Variants in MTMR9 observed in about 807,000 individuals in gnomAD.
MTMR9 encodes the protein myotubularin-related protein 9.
A neutral mutation model predicts 69.5 loss-of-function variants in MTMR9; 39 were observed. The observed-to-expected ratio is 0.56, with a 90% CI of 0.43 to 0.73. MTMR9 has a LOEUF of 0.73. Ranked by LOEUF, MTMR9 falls within the 30% of genes least tolerant of loss-of-function variation. The pLI is 0.00. For synonymous variants in MTMR9, 354 were observed against 240.8 expected, an observed-to-expected ratio of 1.47 and a Z score of -4.35; for missense variants, 900 against 671.2, an observed-to-expected ratio of 1.34 and a Z score of -3.77.
intron 1 of MTMR9, among the ~76,000 whole-genome samples, chr8:11,286,812 C>G (rs746886236): frequency 5.9e-5 from 9 of 152,038 alleles, no homozygotes; most frequent in Non-Finnish European, 8.8e-5. Flanking sequence ...GCCTTTCTTG[C>G]ACTTGCTTTC....
the MTMR9 span, among the ~76,000 whole-genome samples, chr8:11,335,068 T>C: frequency 6.6e-6 from 1 of 152,252 alleles, no homozygotes; most frequent in South Asian, 2.1e-4. Flanking sequence ...GTATGGGAAA[T>C]TATAACTAAT....
intron 1 of MTMR9, among the ~76,000 whole-genome samples, chr8:11,287,207 A>G (rs542185316): frequency 9.2e-5 from 14 of 152,320 alleles, no homozygotes; most frequent in African/African-American, 3.4e-4. Flanking sequence ...GTAGGAAACA[A>G]AAGAAGGATT....
chr8:11,318,001 CA>C (rs1269672798), intron 8 of MTMR9: 1 of 152,084 alleles, frequency 6.6e-6, no homozygotes, highest in Non-Finnish European at 1.5e-5. Context: ...TTAACTCCCC[CA>C]CTTAGAAGGG....
At chr8:11,321,952 T>G (rs1800713143) in intron 9 of MTMR9, among the ~76,000 whole-genome samples, 1 of 152,182 alleles carries the variant, frequency 6.6e-6, no homozygotes, top group African/African-American at 2.4e-5. Flanking sequence ...GCCTCCTGAC[T>G]TGAGTAACTG....
intron 1 of MTMR9, among the ~76,000 whole-genome samples, chr8:11,291,640 G>C (rs986390580): frequency 7.2e-5 from 11 of 152,002 alleles, no homozygotes; most frequent in African/African-American, 2.7e-4. Flanking sequence ...CTGACATAAA[G>C]TAACAATTAT....
downstream of MTMR9, chr8:11,331,212 G>A (rs145477381): frequency 7.6e-4 from 1,228 of 1,613,976 alleles, 7 homozygotes; most frequent in African/African-American, 0.013. Context: ...GCCCTCTGGT[G>A]CCACCAATGG....
chr8:11,310,243 C>G (rs1365911640), intron 6 of MTMR9, among the ~76,000 whole-genome samples: 1 of 152,150 alleles, frequency 6.6e-6, no homozygotes, highest in Non-Finnish European at 1.5e-5. Flanking sequence ...AGTTAATTCA[C>G]TCAGTTAAAG....
At chr8:11,314,831 A>C (rs771590561) in intron 6 of MTMR9, 92 bp from the exon 7 acceptor site, 7 of 1,265,314 alleles carry the variant, frequency 5.5e-6, no homozygotes, top group Non-Finnish European at 7.9e-6. Flanking sequence ...AGTAGACTAA[A>C]ATGTTGTGCT....
At chr8:11,306,502 C>A in intron 5 of MTMR9, 95 bp downstream of exon 5, 1 of 1,128,624 alleles carries the variant, frequency 8.9e-7, no homozygotes. Flanking sequence ...CTCAAATTAA[C>A]TTCTGCATTA....
At chr8:11,307,405 T>C (rs946861434) in intron 5 of MTMR9, among the ~76,000 whole-genome samples, 1 of 152,214 alleles carries the variant, frequency 6.6e-6, no homozygotes, top group African/African-American at 2.4e-5. Flanking sequence ...AGTATTTTAT[T>C]GTGTATTGTA....
chr8:11,304,424 G>A (rs1799863654), intron 3 of MTMR9, among the ~76,000 whole-genome samples: 1 of 152,196 alleles, frequency 6.6e-6, no homozygotes, highest in African/African-American at 2.4e-5. Flanking sequence ...GATGATGTTG[G>A]CCGTGATAAT....
downstream of MTMR9, chr8:11,331,346 C>T: frequency 1.9e-6 from 3 of 1,614,008 alleles, no homozygotes; most frequent in South Asian, 2.2e-5. Context: ...GCCTCTTCCA[C>T]CTCCCTATTG....
At chr8:11,309,397 A>G in intron 5 of MTMR9, 130 bp from the exon 6 acceptor site, 1 of 733,582 alleles carries the variant, frequency 1.4e-6, no homozygotes, top group South Asian at 2.0e-5. Flanking sequence ...AAATTATAGC[A>G]GGGTAAATAT....
chr8:11,317,108 A>G lies in MTMR9; in HGVS notation c.1334+215A>G, dbSNP rs572634661. ...TGTTCTGTTAGGTTAAAATTAGTCCATACGTGAATTAAGGGGCAACCATTT... is the reference window on the plus strand; with the variant it reads ...TGTTCTGTTAGGTTAAAATTAGTCCGTACGTGAATTAAGGGGCAACCATTT... On this transcript the variant is annotated intron_variant, in intron 8 of 9. Coordinates refer to ENST00000221086, the MANE Select transcript of MTMR9 (RefSeq NM_015458.4). 3.9e-5 allele frequency: 14 copies of G among 363,230 alleles called. No homozygotes were observed. In the Admixed American group the frequency reaches 5.2e-4, roughly 14 times the overall value. 22.5% of individuals were successfully genotyped at this position (363,230 alleles called of 1,614,324 possible).
the MTMR9 span, among the ~76,000 whole-genome samples, chr8:11,339,054 G>C: frequency 2.6e-5 from 4 of 152,196 alleles, no homozygotes; most frequent in Non-Finnish European, 5.9e-5. Context: ...CCTGTGCAAG[G>C]CCATGTCACA....
Position 11,325,466 on chromosome 8 carries a change from G to T in MTMR9, c.*2678G>T, listed in dbSNP as rs189723354. 4.0e-4 allele frequency: 61 copies of T among 152,270 alleles called. No individual in the cohort carries two copies. The highest frequency in any genetic ancestry group is 1.4e-3 in the African/African-American group (58 of 41,552). The allele number at this position is 152,270 out of a possible 1,614,324, so 9.4% of individuals were successfully genotyped here. On this transcript the variant is annotated 3_prime_UTR_variant, in exon 10 of 10. Transcript: ENST00000221086. ...AGTGAGCAAGCAGATTGCCCCAGAG[G>T]GGCCGGTAATAATCACGTGAGGGAT...
chr8:11,306,077 G>A (rs3808507), intron 4 of MTMR9, 113 bp from the exon 5 acceptor site: 1 of 808,632 alleles, frequency 1.2e-6, no homozygotes, highest in South Asian at 1.7e-5. Context: ...AAATCCATCT[G>A]CAGAGTGTCA....
chr8:11,319,906 C>T, intron 9 of MTMR9, 68 bp downstream of exon 9: 2 of 1,520,832 alleles, frequency 1.3e-6, no homozygotes, highest in Non-Finnish European at 1.8e-6. Flanking sequence ...TGAGTGTGTG[C>T]TGTTGGTGAT....
intron 1 of MTMR9, among the ~76,000 whole-genome samples, chr8:11,285,733 C>A (rs572003776): frequency 6.6e-6 from 1 of 152,166 alleles, no homozygotes; most frequent in South Asian, 2.1e-4. Context: ...CAAGGCAGTG[C>A]CTCGAAGTCA....
Sources: allele counts gnomAD v4.1 joint callset (sites outside exome capture counted in the v4.1 genomes callset), GRCh38; gene constraint gnomAD v4.1.1; transcripts MANE v1.5; gene names NCBI Gene and HGNC (gene_info 2026-07-23, HGNC 2026-07-21).